IQCJ: variants seen among roughly 807,000 people sequenced by gnomAD.
The protein encoded by IQCJ is IQ motif containing J, also known as IQ domain-containing protein J.
IQCJ carries 9 observed loss-of-function variants against 11.0 expected under a neutral mutation model. The ratio of observed to expected loss-of-function variants is 0.82; its 90% CI spans 0.49 to 1.43. The LOEUF (loss-of-function observed/expected upper bound fraction) is 1.43, where lower values mean the gene tolerates loss of function less well. Among genes scored for constraint, IQCJ ranks in the 40% most tolerant of loss-of-function variants. The pLI is 0.00. For missense variants in IQCJ, 146 were observed against 133.2 expected, an observed-to-expected ratio of 1.10 and a Z score of -0.47; for synonymous variants, 55 against 51.3, an observed-to-expected ratio of 1.07 and a Z score of -0.31.
At chr3:159,141,971 A>G (rs1262854552) in intron 1 of IQCJ, among the ~76,000 whole-genome samples, 1 of 152,232 alleles carries the variant, frequency 6.6e-6, no homozygotes, top group African/African-American at 2.4e-5. Flanking sequence ...GCTAAAGGAA[A>G]TGAAGATAAA....
intron 1 of IQCJ, chr3:159,069,740 T>C: frequency 1.8e-6 from 1 of 555,492 alleles, no homozygotes; most frequent in Non-Finnish European, 3.4e-6. Flanking sequence ...TCTAGTCAGA[T>C]CTGTAAATAT....
intron 1 of IQCJ, among the ~76,000 whole-genome samples, chr3:159,154,528 G>A (rs940262691): frequency 6.6e-6 from 1 of 151,938 alleles, no homozygotes; most frequent in Non-Finnish European, 1.5e-5. Flanking sequence ...AATACTATGT[G>A]AGGCCTTTGA....
At chr3:159,171,190 TC>T (rs1722466759) in intron 1 of IQCJ, among the ~76,000 whole-genome samples, 1 of 151,904 alleles carries the variant, frequency 6.6e-6, no homozygotes. Context: ...TAAACAGCAC[TC>T]CCCCATGAAA....
chr3:159,081,997 C>G (rs1716345705), intron 1 of IQCJ, among the ~76,000 whole-genome samples: 1 of 151,994 alleles, frequency 6.6e-6, no homozygotes, highest in African/African-American at 2.4e-5. Flanking sequence ...ATAATTAGTT[C>G]AGTAAAACAA....
intron 1 of IQCJ, among the ~76,000 whole-genome samples, chr3:159,107,564 T>G (rs558393937): frequency 1.3e-5 from 2 of 152,346 alleles, no homozygotes; most frequent in South Asian, 4.1e-4. Flanking sequence ...TAATGAAGCT[T>G]CTGTCCAATT....
intron 1 of IQCJ, among the ~76,000 whole-genome samples, chr3:159,191,846 A>ACAAG (rs1723709579): frequency 6.6e-6 from 1 of 152,246 alleles, no homozygotes; most frequent in Admixed American, 6.5e-5. Flanking sequence ...GCAGTTGGAC[A>ACAAG]CAAGCTCTGT....
chr3:159,154,213 T>C (rs6766355), intron 1 of IQCJ, among the ~76,000 whole-genome samples: 1 of 152,140 alleles, frequency 6.6e-6, no homozygotes, highest in Non-Finnish European at 1.5e-5. Flanking sequence ...ACACTTAGAT[T>C]GCTTCATAAT....
intron 1 of IQCJ, among the ~76,000 whole-genome samples, chr3:159,167,247 A>C (rs919762389): frequency 3.9e-5 from 6 of 152,358 alleles, no homozygotes; most frequent in Middle Eastern, 3.4e-3. Flanking sequence ...GAGTTTTCAT[A>C]GTCCTTATCT....
chr3:159,118,334 C>A (rs1719150704), intron 1 of IQCJ, among the ~76,000 whole-genome samples: 1 of 152,058 alleles, frequency 6.6e-6, no homozygotes, highest in South Asian at 2.1e-4. Flanking sequence ...GCAGACTTCC[C>A]CTTGATCCAG....
At chr3:159,179,205 A>C (rs1456793947) in intron 1 of IQCJ, among the ~76,000 whole-genome samples, 1 of 152,170 alleles carries the variant, frequency 6.6e-6, no homozygotes, top group Admixed American at 6.5e-5. Flanking sequence ...GATGCTAGAC[A>C]TGGAACCAGG....
Position 159,158,012 on chromosome 3 carries a change from T to C in IQCJ, c.10-87831T>C, listed in dbSNP as rs551106852. On this transcript the variant is annotated intron_variant, in intron 1 of 3. Transcript: ENST00000397832. ...CACAAACAATGCAACAATGAATATT[T>C]TTTGTGCACCTGTGCAAGTAGGTGT... 3.9e-4 allele frequency among the ~76,000 whole-genome samples: 59 copies of C among 152,284 alleles called. No individual in the cohort carries two copies. The East Asian group carries it at 0.011, about 29-fold the overall frequency.
chr3:159,217,037 T>C (rs2108107564), intron 1 of IQCJ, among the ~76,000 whole-genome samples: 1 of 152,258 alleles, frequency 6.6e-6, no homozygotes, highest in Admixed American at 6.5e-5. Flanking sequence ...TTGAAATATT[T>C]CAAAAATCTT....
At chr3:159,092,920 C>T (rs1017196218) in intron 1 of IQCJ, among the ~76,000 whole-genome samples, 16 of 151,492 alleles carry the variant, frequency 1.1e-4, no homozygotes, top group African/African-American at 3.9e-4. Context: ...TTTCAAATAC[C>T]TAAATTTTCA....
chr3:159,215,160 TG>T (rs1362309654), intron 1 of IQCJ, among the ~76,000 whole-genome samples: 2 of 152,166 alleles, frequency 1.3e-5, no homozygotes, highest in East Asian at 3.9e-4. Context: ...GTGTTTATGC[TG>T]GGCTTGATGA....
chr3:159,089,623 T>C (rs1253349888), intron 1 of IQCJ, among the ~76,000 whole-genome samples: 1 of 151,780 alleles, frequency 6.6e-6, no homozygotes, highest in Admixed American at 6.6e-5. Flanking sequence ...TCATTTCTTT[T>C]TATTCTTTTT....
At chr3:159,184,350 C>T (rs1263679011) in intron 1 of IQCJ, among the ~76,000 whole-genome samples, 1 of 152,148 alleles carries the variant, frequency 6.6e-6, no homozygotes, top group East Asian at 1.9e-4. Flanking sequence ...ATGTCACCTC[C>T]TCAGAAAAGC....
chr3:159,146,903 T>A (rs1165051762), intron 1 of IQCJ, among the ~76,000 whole-genome samples: 1 of 152,204 alleles, frequency 6.6e-6, no homozygotes, highest in Non-Finnish European at 1.5e-5. Context: ...TAAGACTTCA[T>A]TACTATTAAA....
chr3:159,227,266 T>G (rs892966231), intron 1 of IQCJ, among the ~76,000 whole-genome samples: 4 of 152,248 alleles, frequency 2.6e-5, no homozygotes, highest in African/African-American at 9.6e-5. Context: ...AATTATAATC[T>G]AATGAATTTG....
At chr3:159,180,386 T>A (rs1408903759) in intron 1 of IQCJ, among the ~76,000 whole-genome samples, 3 of 151,984 alleles carry the variant, frequency 2.0e-5, no homozygotes, top group African/African-American at 7.3e-5. Context: ...ATATGATTTT[T>A]AAAATTATCT....
Sources: gnomAD v4.1 joint callset for allele counts (sites outside exome capture counted in the v4.1 genomes callset) on GRCh38, gnomAD v4.1.1 for gene constraint, MANE v1.5 for transcripts, NCBI Gene and HGNC (gene_info 2026-07-23, HGNC 2026-07-21) for gene names.